TRPS1: variants seen among roughly 807,000 people sequenced by gnomAD.
The protein encoded by TRPS1 is transcriptional repressor GATA binding 1.
TRPS1 carries 6 observed loss-of-function variants against 101.2 expected under a neutral mutation model. The observed-to-expected ratio is 0.06, with a 90% CI of 0.03 to 0.12. The LOEUF (loss-of-function observed/expected upper bound fraction) is 0.12. Among genes scored for constraint, TRPS1 ranks in the 10% least tolerant of loss-of-function variants. The probability of loss-of-function intolerance (pLI) is 1.00; values close to 1 mark genes in which losing one functional copy is unlikely to be tolerated. For missense variants in TRPS1, 1,363 were observed against 1,567.0 expected (o/e 0.87, Z 2.20); for synonymous variants, 578 against 589.8 (o/e 0.98, Z 0.29).
chr8:115,636,982 T>A (rs973662029), intron 1 of TRPS1, among the ~76,000 whole-genome samples: 10 of 152,016 alleles, frequency 6.6e-5, no homozygotes, highest in Non-Finnish European at 1.2e-4. Context: ...TACTAAATGT[T>A]TGCTATCTTT....
intron 5 of TRPS1, among the ~76,000 whole-genome samples, chr8:115,571,951 C>T (rs1047511803): frequency 3.3e-5 from 5 of 151,852 alleles, no homozygotes; most frequent in Non-Finnish European, 7.4e-5. Flanking sequence ...TACATATATA[C>T]ACACCCTACA....
chr8:115,499,859 T>C (rs1321746234), intron 5 of TRPS1, among the ~76,000 whole-genome samples: 3 of 152,180 alleles, frequency 2.0e-5, no homozygotes, highest in African/African-American at 7.2e-5. Context: ...TAGGATACAA[T>C]GTGAATTGAT....
At chr8:115,521,306 T>G (rs1815855053) in intron 5 of TRPS1, among the ~76,000 whole-genome samples, 1 of 151,884 alleles carries the variant, frequency 6.6e-6, no homozygotes, top group African/African-American at 2.4e-5. Context: ...ATCCACTGGA[T>G]GAGAGGCAAC....
At chr8:115,648,624 G>C (rs909990666) in intron 1 of TRPS1, among the ~76,000 whole-genome samples, 1 of 152,142 alleles carries the variant, frequency 6.6e-6, no homozygotes, top group Non-Finnish European at 1.5e-5. Context: ...CTGATCTGCA[G>C]TTCTGATTCT....
At chr8:115,568,054 T>A (rs940874821) in intron 5 of TRPS1, among the ~76,000 whole-genome samples, 1 of 152,090 alleles carries the variant, frequency 6.6e-6, no homozygotes, top group African/African-American at 2.4e-5. Context: ...CCCAGCATCA[T>A]AATGTTATTT....
chr8:115,540,901 T>A (rs1261105882), intron 5 of TRPS1, among the ~76,000 whole-genome samples: 1 of 152,082 alleles, frequency 6.6e-6, no homozygotes, highest in Non-Finnish European at 1.5e-5. Context: ...TTTTCCCCAA[T>A]CTGCTACAAT....
chr8:115,466,702 T>A (rs187700250), intron 5 of TRPS1, among the ~76,000 whole-genome samples: 1 of 152,076 alleles, frequency 6.6e-6, no homozygotes. Context: ...GCCATTTGAG[T>A]AGGGACTGCT....
At chr8:115,425,139 C>A (rs1225093492) in intron 5 of TRPS1, among the ~76,000 whole-genome samples, 2 of 152,144 alleles carry the variant, frequency 1.3e-5, no homozygotes, top group Admixed American at 1.3e-4. Flanking sequence ...TGAACAAGAC[C>A]AGGGAAAGCA....
intron 5 of TRPS1, among the ~76,000 whole-genome samples, chr8:115,543,337 A>T (rs1816497525): frequency 6.6e-6 from 1 of 152,192 alleles, no homozygotes; most frequent in South Asian, 2.1e-4. Flanking sequence ...TGTATTACAC[A>T]TCCACCTCTA....
chr8:115,568,252 A>G (rs1259821966), intron 5 of TRPS1, among the ~76,000 whole-genome samples: 1 of 152,182 alleles, frequency 6.6e-6, no homozygotes, highest in Non-Finnish European at 1.5e-5. Flanking sequence ...CTTATTTATA[A>G]AGGTTAAGTT....
intron 5 of TRPS1, among the ~76,000 whole-genome samples, chr8:115,490,735 G>A (rs985113842): frequency 6.6e-6 from 1 of 152,088 alleles, no homozygotes; most frequent in Non-Finnish European, 1.5e-5. Context: ...ATTTGAAACA[G>A]TGATTATCTT....
intron 3 of TRPS1, among the ~76,000 whole-genome samples, chr8:115,610,340 G>T (rs999180912): frequency 5.3e-5 from 8 of 152,152 alleles, no homozygotes; most frequent in African/African-American, 1.7e-4. Flanking sequence ...ACTACAGCCA[G>T]AATTAATCTG....
intron 5 of TRPS1, among the ~76,000 whole-genome samples, chr8:115,429,573 G>C (rs542464537): frequency 6.6e-6 from 1 of 152,018 alleles, no homozygotes; most frequent in Non-Finnish European, 1.5e-5. Context: ...TCAGTCATCC[G>C]TACCAAAAGG....
At chr8:115,475,266 TTATATA>T (rs33922102) in intron 5 of TRPS1, among the ~76,000 whole-genome samples, 1,928 of 123,902 alleles carry the variant, frequency 0.016, 57 homozygotes, top group South Asian at 0.059. Context: ...TGAATCACAG[TTATATA>T]TATATATATA....
intron 5 of TRPS1, among the ~76,000 whole-genome samples, chr8:115,443,755 C>T (rs968552851): frequency 5.3e-5 from 8 of 152,150 alleles, no homozygotes; most frequent in Non-Finnish European, 7.3e-5. Context: ...ATTAAGTACT[C>T]AATAAATATT....
chr8:115,418,933 G>GTT lies in TRPS1; in HGVS notation c.2701-482_2701-481insAA, dbSNP rs1292609463. Among the ~76,000 whole-genome samples, 1 of 152,158 alleles carries GTT rather than the reference G, an allele frequency of 6.6e-6. No individual in the cohort carries two copies. The highest frequency in any genetic ancestry group is 2.4e-5 in the African/African-American group (1 of 41,448). ...TGTTTTTGTATGTCATTCATGTAAC[G>GTT]TAAGTATTACGAGAATATAAGACAC... On this transcript the variant is annotated intron_variant, in intron 5 of 6. Transcript: ENST00000395715. This position sits in a 1 kb window ranked among gnomAD's most constrained non-coding sequence, Gnocchi z 4.3.
intron 5 of TRPS1, among the ~76,000 whole-genome samples, chr8:115,545,466 A>G (rs1816548287): frequency 6.6e-6 from 1 of 152,172 alleles, no homozygotes; most frequent in Admixed American, 6.6e-5. Flanking sequence ...CTTCTTCACT[A>G]TGCCTAAGAG....
At chr8:115,497,453 C>T (rs762847795) in intron 5 of TRPS1, among the ~76,000 whole-genome samples, 14 of 152,178 alleles carry the variant, frequency 9.2e-5, no homozygotes, top group Admixed American at 2.0e-4. Context: ...GGGTCCATGG[C>T]TTGGGGGTTT....
intron 5 of TRPS1, among the ~76,000 whole-genome samples, chr8:115,419,525 T>G (rs1813001439): frequency 6.6e-6 from 1 of 152,194 alleles, no homozygotes; most frequent in African/African-American, 2.4e-5. Context: ...AAATATTACA[T>G]GTGCCATAAG....
Sources: allele counts gnomAD v4.1 joint callset (sites outside exome capture counted in the v4.1 genomes callset), GRCh38; gene constraint gnomAD v4.1.1; non-coding constraint Gnocchi (gnomAD v3.1); transcripts MANE v1.5; gene names NCBI Gene and HGNC (gene_info 2026-07-23, HGNC 2026-07-21).